The following MAPK10 variants were observed in gnomAD, a reference collection of about 807,000 sequenced individuals.
MAPK10 encodes mitogen-activated protein kinase 10.
Under a neutral mutation model 59.3 loss-of-function variants are expected in MAPK10, and 25 were observed. The ratio of observed to expected loss-of-function variants is 0.42; its 90% confidence interval spans 0.31 to 0.59. The LOEUF is 0.59. Ranked by LOEUF, MAPK10 falls within the 20% of genes least tolerant of loss-of-function variation. MAPK10 has a pLI of 0.15. For missense variants in MAPK10, 351 were observed against 568.9 expected (o/e 0.62, Z 3.90); for synonymous variants, 190 against 200.5 (o/e 0.95, Z 0.44).
At chr4:86,202,964 G>A in intron 2 of MAPK10, among the ~76,000 whole-genome samples, 1 of 151,886 alleles carries the variant, frequency 6.6e-6, no homozygotes, top group South Asian at 2.1e-4. Flanking sequence ...TTTGCTAATT[G>A]TTTTTCCTGG....
Position 86,412,401 on chromosome 4 carries a change from C to T in MAPK10, c.-122+40629G>A, listed in dbSNP as rs1356921570. The stretch of plus-strand genomic sequence containing the variant: ...TCTTGGGGTTGCTCTTCTCAAGGAA[C>T]ATCTTTGTGGTGTTCTCCGTATTTC... On this transcript the variant is annotated intron_variant, in intron 1 of 13. Coordinates refer to the MAPK10 transcript ENST00000361569. Among the ~76,000 whole-genome samples the T allele has an allele frequency of 5.3e-5, 8 of 152,194 alleles. No homozygotes were observed. The East Asian group carries it at 1.4e-3, about 26-fold the overall frequency.
chr4:86,390,185 G>T (rs1287766012), intron 1 of MAPK10, among the ~76,000 whole-genome samples: 1 of 151,842 alleles, frequency 6.6e-6, no homozygotes, highest in Non-Finnish European at 1.5e-5. Flanking sequence ...CACAGTTTAG[G>T]TATTATATTG....
chr4:86,482,819 A>C (rs1233562593), intron 1 of MAPK10, among the ~76,000 whole-genome samples: 1 of 152,212 alleles, frequency 6.6e-6, no homozygotes, highest in Non-Finnish European at 1.5e-5. Context: ...GAAAAATGAA[A>C]GTAAGAAAAT....
chr4:86,022,991 T>C (rs1295139055), intron 13 of MAPK10, among the ~76,000 whole-genome samples: 1 of 152,246 alleles, frequency 6.6e-6, no homozygotes. Flanking sequence ...TGTGTTTTAG[T>C]GTCATATCTA....
chr4:86,580,328 G>A (rs1299140315), intron 1 of MAPK10, among the ~76,000 whole-genome samples: 1 of 151,862 alleles, frequency 6.6e-6, no homozygotes, highest in African/African-American at 2.4e-5. Flanking sequence ...GCAAAACCCC[G>A]CTCCTACTAA....
chr4:86,437,200 T>C lies in MAPK10; in HGVS notation c.-122+15830A>G, dbSNP rs574674878. 2.7e-3 allele frequency among the ~76,000 whole-genome samples: 364 copies of C among 133,014 alleles called. 2 individuals carry two copies. Among genetic ancestry groups the C allele is most frequent in the Non-Finnish European group, 4.4e-3 (285 of 64,602 alleles). The allele number at this position is 133,014 out of a possible 152,430, so 87.3% of individuals were successfully genotyped here. ...CTGCACTCCAGCCTGGGCGACAGAG[T>C]GAGACTCTGTCTCAAAAAAAAAAAA... On this transcript the variant is annotated intron_variant, in intron 1 of 13. Coordinates refer to the MAPK10 transcript ENST00000361569.
At position 86,064,343 on chromosome 4, in the gene MAPK10, C is replaced by T. The variant is rs778824606; in HGVS notation, c.1033G>A (p.Ala345Thr). 2.5e-6 allele frequency: 4 copies of T among 1,614,118 alleles called. No homozygotes were observed. The highest frequency in any genetic ancestry group is 1.6e-4 in the Middle Eastern group (1 of 6,062). ...GCGTCGTCCACTGATATTCTTTTTGCTGGGTCAATCACTAGCATCTTTGAC... is the reference window on the plus strand; with the variant it reads ...GCGTCGTCCACTGATATTCTTTTTGTTGGGTCAATCACTAGCATCTTTGAC... ...LLSKMLVIDPAKRISVDDALQ... is the reference protein window; with the variant it reads ...LLSKMLVIDPTKRISVDDALQ... Residue 345 changes from alanine (A) to threonine (T), a missense_variant, in exon 11 of 14, where the codon GCA becomes ACA. This residue lies in a region of MAPK10 where 155 missense variants were observed against 204.2 expected (regional missense o/e 0.76). Coordinates refer to ENST00000641462, the MANE Select transcript of MAPK10 (RefSeq NM_138982.4).
At chr4:86,202,589 C>A (rs1221315418) in intron 2 of MAPK10, among the ~76,000 whole-genome samples, 1 of 151,812 alleles carries the variant, frequency 6.6e-6, no homozygotes, top group Non-Finnish European at 1.5e-5. Flanking sequence ...TTGATACTAA[C>A]AAATTAGGAG....
intron 1 of MAPK10, among the ~76,000 whole-genome samples, chr4:86,517,561 T>C (rs768119259): frequency 5.3e-5 from 8 of 152,012 alleles, no homozygotes; most frequent in Non-Finnish European, 1.2e-4. Flanking sequence ...AGGCATGAGC[T>C]ACCGCACCCG....
intron 2 of MAPK10, among the ~76,000 whole-genome samples, chr4:86,262,668 T>A (rs2094049315): frequency 6.6e-6 from 1 of 152,180 alleles, no homozygotes; most frequent in South Asian, 2.1e-4. Flanking sequence ...AATGAGTGAA[T>A]GAATGAATGA....
intron 1 of MAPK10, among the ~76,000 whole-genome samples, chr4:86,505,578 C>A (rs969332015): frequency 3.3e-5 from 5 of 152,002 alleles, no homozygotes; most frequent in African/African-American, 9.7e-5. Context: ...CAGAGTGAGA[C>A]CCTGTTTTTA....
chr4:86,487,662 C>T (rs1241399878), intron 1 of MAPK10, among the ~76,000 whole-genome samples: 1 of 147,266 alleles, frequency 6.8e-6, no homozygotes, highest in East Asian at 2.0e-4. Context: ...ACCTGGGAGG[C>T]AGAGCTTGCA....
chr4:86,044,844 A>T, intron 11 of MAPK10: 1 of 396,966 alleles, frequency 2.5e-6, no homozygotes, highest in South Asian at 1.3e-4. Context: ...TCAGTTTGCA[A>T]TGAAAGATTT....
chr4:86,418,454 C>T (rs1015699569), intron 1 of MAPK10, among the ~76,000 whole-genome samples: 5 of 152,052 alleles, frequency 3.3e-5, no homozygotes, highest in African/African-American at 1.2e-4. Flanking sequence ...ATCATTTGTA[C>T]GAAATGCACC....
At chr4:86,131,566 G>A (rs1178192384) in intron 4 of MAPK10, among the ~76,000 whole-genome samples, 3 of 151,982 alleles carry the variant, frequency 2.0e-5, no homozygotes, top group Admixed American at 6.6e-5. Flanking sequence ...CTTTATTACA[G>A]TTTCAAGGTA....
chr4:86,496,782 G>C (rs1754901887), intron 1 of MAPK10, among the ~76,000 whole-genome samples: 1 of 152,086 alleles, frequency 6.6e-6, no homozygotes, highest in South Asian at 2.1e-4. Context: ...AGTTAGAGGA[G>C]AAATATTTAA....
intron 2 of MAPK10, among the ~76,000 whole-genome samples, chr4:86,351,548 C>T (rs1247847770): frequency 6.6e-6 from 1 of 151,970 alleles, no homozygotes; most frequent in East Asian, 1.9e-4. Context: ...GTTACATATG[C>T]CCTACTAGCA....
At chr4:86,069,478 G>A (rs1437741735) in intron 9 of MAPK10, among the ~76,000 whole-genome samples, 1 of 151,950 alleles carries the variant, frequency 6.6e-6, no homozygotes, top group Non-Finnish European at 1.5e-5. Flanking sequence ...CAGTAATTCA[G>A]AATCACTAGA....
At chr4:86,422,068 T>G (rs1420997950) in intron 1 of MAPK10, among the ~76,000 whole-genome samples, 1 of 152,204 alleles carries the variant, frequency 6.6e-6, no homozygotes, top group African/African-American at 2.4e-5. Flanking sequence ...AGCCCCACTG[T>G]ATTATCTATG....
Sources: allele counts gnomAD v4.1 joint callset (sites outside exome capture counted in the v4.1 genomes callset), GRCh38; gene constraint gnomAD v4.1.1; regional missense constraint gnomAD v4.1.1; transcripts MANE v1.5; gene names NCBI Gene and HGNC (gene_info 2026-07-23, HGNC 2026-07-21).